Variants in FOXN3 observed in about 807,000 individuals in gnomAD.
FOXN3 encodes forkhead box protein N3.
Under a neutral mutation model 38.4 loss-of-function variants are expected in FOXN3, and 7 were observed. The observed-to-expected ratio is 0.18, with a 90% CI of 0.10 to 0.34. FOXN3 has a LOEUF of 0.34. Ranked by LOEUF, FOXN3 falls within the 10% of genes least tolerant of loss-of-function variation. The pLI is 1.00. For synonymous variants in FOXN3, 230 were observed against 242.2 expected (o/e 0.95, Z 0.47); for missense variants, 456 against 613.4 (o/e 0.74, Z 2.71).
chr14:89,606,110 CTATTATAAACAA>C (rs1157409527), intron 1 of FOXN3, among the ~76,000 whole-genome samples: 5 of 151,886 alleles, frequency 3.3e-5, no homozygotes, highest in Admixed American at 2.6e-4. Flanking sequence ...GAATTAGAGG[CTATTATAAACAA>C]TCATTATGCC....
intron 3 of FOXN3, among the ~76,000 whole-genome samples, chr14:89,345,260 C>G (rs983827608): frequency 6.6e-6 from 1 of 151,920 alleles, no homozygotes; most frequent in Admixed American, 6.5e-5. Flanking sequence ...GTAGGTCAGG[C>G]AACTCTCAGT....
chr14:89,379,805 T>G (rs780958969), intron 2 of FOXN3, among the ~76,000 whole-genome samples: 10 of 151,892 alleles, frequency 6.6e-5, no homozygotes, highest in Non-Finnish European at 1.3e-4. Context: ...GGATTATAGG[T>G]GCCCACCACC....
intron 1 of FOXN3, among the ~76,000 whole-genome samples, chr14:89,498,048 ATATCTTCCT>A (rs1214824394): frequency 6.6e-6 from 1 of 151,926 alleles, no homozygotes; most frequent in Non-Finnish European, 1.5e-5. Context: ...GGCTATTTGT[ATATCTTCCT>A]TGGAGAAATA....
chr14:89,226,377 C>T (rs1303605027), intron 4 of FOXN3, among the ~76,000 whole-genome samples: 1 of 152,094 alleles, frequency 6.6e-6, no homozygotes, highest in African/African-American at 2.4e-5. Context: ...AGGCATGTAC[C>T]ACCATGCCCA....
intron 1 of FOXN3, among the ~76,000 whole-genome samples, chr14:89,491,128 A>G (rs28605910): frequency 0.03 from 4,255 of 143,344 alleles, 220 homozygotes; most frequent in African/African-American, 0.11. Flanking sequence ...ACACCTGGCT[A>G]ATTTTGTTTT....
At chr14:89,315,334 T>C (rs764507406) in intron 3 of FOXN3, among the ~76,000 whole-genome samples, 4 of 152,172 alleles carry the variant, frequency 2.6e-5, no homozygotes, top group Non-Finnish European at 4.4e-5. Context: ...ATAAAATCTT[T>C]AACGTCGGCA....
At chr14:89,579,741 T>TACC (rs1895707312) in intron 1 of FOXN3, among the ~76,000 whole-genome samples, 1 of 152,150 alleles carries the variant, frequency 6.6e-6, no homozygotes. Context: ...TGGCCACCCT[T>TACC]ACCAAATGGT....
intron 1 of FOXN3, among the ~76,000 whole-genome samples, chr14:89,504,438 C>A (rs1427941383): frequency 2.6e-5 from 4 of 152,184 alleles, no homozygotes; most frequent in Non-Finnish European, 5.9e-5. Context: ...GCTGGGAGAA[C>A]AAAACAATAG....
At chr14:89,333,966 G>GTGTGTA (rs1490383212) in intron 3 of FOXN3, among the ~76,000 whole-genome samples, 1 of 131,556 alleles carries the variant, frequency 7.6e-6, no homozygotes, top group African/African-American at 2.9e-5. Context: ...AATGTGGTGT[G>GTGTGTA]TATATATATA....
intron 1 of FOXN3, among the ~76,000 whole-genome samples, chr14:89,519,901 C>T (rs1894284044): frequency 6.6e-6 from 1 of 152,134 alleles, no homozygotes; most frequent in South Asian, 2.1e-4. Context: ...AACAACACTG[C>T]CTGAAGGTAG....
chr14:89,441,040 C>T (rs1350237524), intron 1 of FOXN3, among the ~76,000 whole-genome samples: 1 of 152,120 alleles, frequency 6.6e-6, no homozygotes, highest in Non-Finnish European at 1.5e-5. Context: ...TCTGAATGCA[C>T]AAAAGGAACC....
At chr14:89,225,947 G>A (rs567270106) in intron 4 of FOXN3, among the ~76,000 whole-genome samples, 2 of 152,228 alleles carry the variant, frequency 1.3e-5, no homozygotes, top group South Asian at 4.1e-4. Context: ...CATCTTATAG[G>A]TGAGGTTGTC....
rs1240650278 is a variant in FOXN3 at position 89,489,102 on chromosome 14, G to A, written c.-14-76612C>T. The stretch of plus-strand genomic sequence containing the variant: ...CCAAGGCTAGGATTGAAATGAAGCC[G>A]GATTCAGAATTGGCAGTCTCTGCTT... On this transcript the variant is annotated intron_variant, in intron 1 of 6. Transcript: ENST00000345097. Among the ~76,000 whole-genome samples, 7 of 152,110 alleles carry A rather than the reference G, an allele frequency of 4.6e-5. No individual in the cohort carries two copies. In the East Asian group the frequency reaches 7.7e-4, roughly 17 times the overall value.
intron 1 of FOXN3, among the ~76,000 whole-genome samples, chr14:89,524,234 C>T (rs1333791320): frequency 3.4e-5 from 5 of 146,776 alleles, no homozygotes; most frequent in Admixed American, 1.4e-4. Flanking sequence ...ATTAGCCAAG[C>T]GAGGTGGTGG....
intron 4 of FOXN3, among the ~76,000 whole-genome samples, chr14:89,277,146 A>G (rs981686706): frequency 6.6e-6 from 1 of 152,258 alleles, no homozygotes; most frequent in African/African-American, 2.4e-5. Flanking sequence ...TATAAAAAAG[A>G]CTTTATTCTT....
upstream of FOXN3, among the ~76,000 whole-genome samples, chr14:89,418,655 G>A (rs909594793): frequency 6.6e-6 from 1 of 152,046 alleles, no homozygotes; most frequent in South Asian, 2.1e-4. Context: ...CTAAGCAAAA[G>A]GCACAAGGTG....
At chr14:89,488,458 C>A (rs1399822600) in intron 1 of FOXN3, among the ~76,000 whole-genome samples, 1 of 151,846 alleles carries the variant, frequency 6.6e-6, no homozygotes, top group African/African-American at 2.4e-5. Context: ...CCAGCCTGGG[C>A]AACGGGGCAA....
intron 3 of FOXN3, among the ~76,000 whole-genome samples, chr14:89,306,903 T>C (rs1480715894): frequency 6.6e-6 from 1 of 152,098 alleles, no homozygotes; most frequent in Non-Finnish European, 1.5e-5. Context: ...ATAAATAACA[T>C]TTTATTGGGA....
intron 4 of FOXN3, among the ~76,000 whole-genome samples, chr14:89,262,133 GAGA>G (rs1188488534): frequency 2.0e-5 from 3 of 152,034 alleles, no homozygotes; most frequent in Admixed American, 6.6e-5. Context: ...AGAAGAAGAA[GAGA>G]AGGAGAGTTT....
Sources: gnomAD v4.1 joint callset for allele counts (sites outside exome capture counted in the v4.1 genomes callset) on GRCh38, gnomAD v4.1.1 for gene constraint, MANE v1.5 for transcripts, NCBI Gene and HGNC (gene_info 2026-07-23, HGNC 2026-07-21) for gene names.